The following PBX3 variants were observed in gnomAD, a reference collection of about 807,000 sequenced individuals.
PBX3 encodes PBX homeobox 3.
PBX3 carries 14 observed loss-of-function variants against 48.5 expected under a neutral mutation model. That is an observed-to-expected ratio of 0.29 (90% CI 0.19 to 0.45). The LOEUF (loss-of-function observed/expected upper bound fraction) is 0.45, where lower values mean the gene tolerates loss of function less well. Ranked by LOEUF, PBX3 falls within the 20% of genes least tolerant of loss-of-function variation. The pLI is 1.00. For synonymous variants in PBX3, 210 were observed against 200.3 expected (o/e 1.05, Z -0.41); for missense variants, 386 against 546.7 (o/e 0.71, Z 2.93).
chr9:125,918,827 A>G (rs1409727673), intron 3 of PBX3, among the ~76,000 whole-genome samples: 3 of 152,208 alleles, frequency 2.0e-5, no homozygotes, highest in African/African-American at 7.2e-5. Context: ...ATTTTGACCC[A>G]AAACAGTCAA....
At chr9:125,927,593 C>T (rs1017983527) in intron 3 of PBX3, among the ~76,000 whole-genome samples, 2 of 152,140 alleles carry the variant, frequency 1.3e-5, no homozygotes, top group Non-Finnish European at 2.9e-5. Flanking sequence ...CAGGGACACC[C>T]GTGCAGTAAG....
intron 2 of PBX3, among the ~76,000 whole-genome samples, chr9:125,857,024 C>G (rs1839741700): frequency 6.6e-6 from 1 of 152,066 alleles, no homozygotes; most frequent in South Asian, 2.1e-4. Context: ...GAAGATATAC[C>G]TAGCTTATTC....
intron 6 of PBX3, 82 bp from the exon 7 acceptor site, chr9:125,962,020 T>A (rs1325540252): frequency 2.9e-6 from 2 of 697,380 alleles, no homozygotes; most frequent in Non-Finnish European, 5.2e-6. Context: ...TCTGTACTTT[T>A]TCTCATCTCC....
In PBX3 at chr9:125,809,996, A is replaced by G. The variant is rs115880163; in HGVS notation, c.274+61373A>G. 5.8e-3 allele frequency among the ~76,000 whole-genome samples: 882 copies of G among 152,332 alleles called. 7 individuals are homozygous for G. The highest frequency in any genetic ancestry group is 0.02 in the African/African-American group (835 of 41,570). ...TGAGGATTGTTCCAACATGATTGGT[A>G]TATTAGGGAATAGTTTGGGCACAAT... is the stretch of plus-strand genomic sequence containing the variant. On this transcript the variant is annotated intron_variant, in intron 2 of 8. Transcript: ENST00000373489.
chr9:125,936,096 A>G (rs1180965609), intron 5 of PBX3, among the ~76,000 whole-genome samples: 1 of 152,198 alleles, frequency 6.6e-6, no homozygotes, highest in East Asian at 1.9e-4. Context: ...TTGCTTCCTT[A>G]TTATCCATTA....
At chr9:125,849,542 A>T (rs1030263492) in intron 2 of PBX3, among the ~76,000 whole-genome samples, 2 of 151,988 alleles carry the variant, frequency 1.3e-5, no homozygotes, top group Non-Finnish European at 2.9e-5. Context: ...ACCATGTTTC[A>T]TTGATTCTAA....
chr9:125,887,650 T>C (rs1488420203), intron 2 of PBX3, among the ~76,000 whole-genome samples: 3 of 152,206 alleles, frequency 2.0e-5, no homozygotes, highest in Non-Finnish European at 4.4e-5. Flanking sequence ...AAGGGACTTT[T>C]CTGTGTATTT....
intron 2 of PBX3, among the ~76,000 whole-genome samples, chr9:125,848,813 T>C (rs1281253040): frequency 6.6e-6 from 1 of 151,994 alleles, no homozygotes; most frequent in Non-Finnish European, 1.5e-5. Flanking sequence ...CATACATAAC[T>C]TGCTACCATG....
Position 125,899,229 on chromosome 9 carries a change from T to G in PBX3, c.275-16457T>G, listed in dbSNP as rs562924264. Among the ~76,000 whole-genome samples, 205 of 95,074 alleles carry G rather than the reference T, an allele frequency of 2.2e-3. 1 individual carries two copies. The highest frequency in any genetic ancestry group is 3.7e-3 in the Non-Finnish European group (158 of 43,280). The allele number at this position is 95,074 out of a possible 152,430, so 62.4% of individuals were successfully genotyped here. A position where few individuals can be genotyped will look rare whatever the true frequency, so the allele number is the denominator to read the frequency against. ...TATAAATATACATATGTATATATATTTATATATAAATATACATATGTATAT... is the reference window on the plus strand; with the variant it reads ...TATAAATATACATATGTATATATATGTATATATAAATATACATATGTATAT... On this transcript the variant is annotated intron_variant, in intron 2 of 8. Transcript: ENST00000373489.
chr9:125,934,046 CA>C (rs1186481732), intron 4 of PBX3, among the ~76,000 whole-genome samples: 2 of 152,224 alleles, frequency 1.3e-5, no homozygotes, highest in South Asian at 4.1e-4. Context: ...ACCACCTCCC[CA>C]TCCAGTTCAT....
At chr9:125,770,074 C>G (rs1836902822) in intron 2 of PBX3, among the ~76,000 whole-genome samples, 1 of 152,038 alleles carries the variant, frequency 6.6e-6, no homozygotes, top group Non-Finnish European at 1.5e-5. Context: ...CTTCTACAAG[C>G]AAGTGAATTT....
intron 4 of PBX3, among the ~76,000 whole-genome samples, chr9:125,932,917 G>C (rs550135901): frequency 1.3e-5 from 2 of 152,326 alleles, no homozygotes; most frequent in South Asian, 4.1e-4. Flanking sequence ...ATTGCTGTTA[G>C]TAATGTTGTG....
chr9:125,873,157 C>T (rs989138135), intron 2 of PBX3, among the ~76,000 whole-genome samples: 1 of 152,034 alleles, frequency 6.6e-6, no homozygotes, highest in Non-Finnish European at 1.5e-5. Flanking sequence ...TGCACTCCAG[C>T]CTGGGCGACA....
intron 2 of PBX3, among the ~76,000 whole-genome samples, chr9:125,773,425 C>A (rs1023323583): frequency 6.6e-6 from 1 of 152,100 alleles, no homozygotes; most frequent in Non-Finnish European, 1.5e-5. Flanking sequence ...CTTATGTGCT[C>A]CAGTAGTATC....
At chr9:125,828,442 GA>G (rs1168742246) in intron 2 of PBX3, among the ~76,000 whole-genome samples, 1 of 152,198 alleles carries the variant, frequency 6.6e-6, no homozygotes, top group African/African-American at 2.4e-5. Flanking sequence ...AGATGGGAAT[GA>G]ATACAGCTCT....
At chr9:125,882,965 A>G (rs1840415480) in intron 2 of PBX3, among the ~76,000 whole-genome samples, 2 of 152,256 alleles carry the variant, frequency 1.3e-5, no homozygotes, top group African/African-American at 2.4e-5. Flanking sequence ...GTCCATTTAC[A>G]TAAATGTTTA....
chr9:125,932,303 T>A (rs1841735714), intron 4 of PBX3, among the ~76,000 whole-genome samples: 1 of 152,210 alleles, frequency 6.6e-6, no homozygotes, highest in Non-Finnish European at 1.5e-5. Context: ...CCTGCTGGAC[T>A]AGCCCTTCCT....
chr9:125,799,533 A>G (rs1290262677), intron 2 of PBX3, among the ~76,000 whole-genome samples: 1 of 152,206 alleles, frequency 6.6e-6, no homozygotes, highest in Admixed American at 6.5e-5. Context: ...CAAACCTCTT[A>G]TTTTAGGAAG....
intron 2 of PBX3, among the ~76,000 whole-genome samples, chr9:125,903,917 G>A (rs114252931): frequency 1.3e-5 from 2 of 151,856 alleles, no homozygotes; most frequent in African/African-American, 4.8e-5. Context: ...TATGAGCAAT[G>A]GATCTAACTG....
Sources: gnomAD v4.1 joint callset for allele counts (sites outside exome capture counted in the v4.1 genomes callset) on GRCh38, gnomAD v4.1.1 for gene constraint, MANE v1.5 for transcripts, NCBI Gene and HGNC (gene_info 2026-07-23, HGNC 2026-07-21) for gene names.